Variants in SHROOM2 observed in about 807,000 individuals in gnomAD.
SHROOM2 encodes shroom family member 2.
In SHROOM2, 33 loss-of-function variants were observed where a neutral mutation model predicts 75.9. The ratio of observed to expected loss-of-function variants is 0.43; its 90% CI spans 0.33 to 0.58. The LOEUF is 0.58. Among genes scored for constraint, SHROOM2 ranks in the 20% least tolerant of loss-of-function variants. The pLI is 0.04. For synonymous variants in SHROOM2, 655 were observed against 663.6 expected, an observed-to-expected ratio of 0.99 and a Z score of 0.20; for missense variants, 1,434 against 1,461.2, an observed-to-expected ratio of 0.98 and a Z score of 0.30.
At chrX:9,788,951 C>A (rs1036413537) in intron 1 of SHROOM2, among the ~76,000 whole-genome samples, 2 of 111,115 alleles carry the variant, frequency 1.8e-5, no homozygotes, top group Admixed American at 1.9e-4. Flanking sequence ...GTTAGATTAA[C>A]CATATATCAC....
chrX:9,910,111 G>T (rs928258212), intron 5 of SHROOM2, among the ~76,000 whole-genome samples: 20 of 110,682 alleles, frequency 1.8e-4, no homozygotes, highest in Non-Finnish European at 3.0e-4. Flanking sequence ...GGGGGTGGGG[G>T]GCACAAGTGT....
chrX:9,868,228 AT>A (rs1337859901), intron 1 of SHROOM2, among the ~76,000 whole-genome samples: 9 of 99,773 alleles, frequency 9.0e-5, no homozygotes, highest in Non-Finnish European at 1.6e-4. Context: ...TTTTATTTTT[AT>A]TTTTATTTTT....
intron 5 of SHROOM2, among the ~76,000 whole-genome samples, chrX:9,930,506 CAAAAA>C (rs201521221): frequency 1.4e-5 from 1 of 70,731 alleles, no homozygotes; most frequent in Admixed American, 1.8e-4. Context: ...GACCCTGTCT[CAAAAA>C]AAAAAAAAGA....
At chrX:9,869,557 A>G (rs968645561) in intron 1 of SHROOM2, among the ~76,000 whole-genome samples, 10 of 112,031 alleles carry the variant, frequency 8.9e-5, no homozygotes, top group Non-Finnish European at 1.5e-4. Context: ...ATTCAATCGT[A>G]TAGTGTTTCT....
In SHROOM2 at chrX:9,877,379, G is replaced by T. The variant is rs139053362; in HGVS notation, c.317+3576G>T. On this transcript the variant is annotated intron_variant, in intron 2 of 9. Transcript: ENST00000380913. ...CACGGCCCGAGATGTCAGGGGAGGG[G>T]TGCTGCCCAGGAGTCAGATCTGTCG... 5.2e-4 allele frequency among the ~76,000 whole-genome samples: 58 copies of T among 111,429 alleles called. 1 individual carries two copies. In the East Asian group the frequency reaches 0.014, roughly 27 times the overall value.
At chrX:9,786,992 G>T (rs780497701) in intron 1 of SHROOM2, among the ~76,000 whole-genome samples, 1 of 111,279 alleles carries the variant, frequency 9.0e-6, no homozygotes, top group African/African-American at 3.3e-5. Flanking sequence ...TGGCGCTCCC[G>T]GGCCCGCCAG....
chrX:9,786,904 C>G (rs1395911246), intron 1 of SHROOM2, among the ~76,000 whole-genome samples, 194 bp downstream of exon 1: 4 of 111,782 alleles, frequency 3.6e-5, no homozygotes, highest in Non-Finnish European at 7.6e-5. Flanking sequence ...CCGCGCCTCG[C>G]AGAGTTTAAA....
intron 1 of SHROOM2, among the ~76,000 whole-genome samples, chrX:9,808,655 A>C (rs1018159859): frequency 3.6e-5 from 4 of 110,816 alleles, no homozygotes; most frequent in African/African-American, 1.3e-4. Flanking sequence ...TGAGGTCAGG[A>C]GTTCGAGACC....
At position 9,819,332 on chromosome X, in the gene SHROOM2, A is replaced by G. The variant is rs2083839595; in HGVS notation, c.165+32622A>G. 6.0e-6 allele frequency: 3 copies of G among 502,398 alleles called. No individual in the cohort carries two copies. In the East Asian group the frequency reaches 1.0e-4, roughly 17 times the overall value. 41.4% of individuals were successfully genotyped at this position (502,398 alleles called of 1,213,427 possible). A position where few individuals can be genotyped will look rare whatever the true frequency, so the allele number is the denominator to read the frequency against. On this transcript the variant is annotated intron_variant, in intron 1 of 9. Transcript: ENST00000380913. The stretch of plus-strand genomic sequence containing the variant: ...ACTTGGTGGGATACCTTGGAGGCCA[A>G]TTAAGCGCCTTTGCAGTGTCAGTCA...
At chrX:9,805,302 G>A (rs1445488634) in intron 1 of SHROOM2, among the ~76,000 whole-genome samples, 1 of 112,583 alleles carries the variant, frequency 8.9e-6, no homozygotes, top group Non-Finnish European at 1.9e-5. Context: ...TCTCCACTGT[G>A]CTCCAGGCAC....
intron 2 of SHROOM2, among the ~76,000 whole-genome samples, chrX:9,884,797 A>G (rs944961822): frequency 1.8e-5 from 2 of 111,919 alleles, no homozygotes; most frequent in African/African-American, 6.5e-5. Context: ...AGGGGAACCC[A>G]CCATTAGAAT....
chrX:9,908,086 C>A (rs2084401323), intron 5 of SHROOM2, among the ~76,000 whole-genome samples: 1 of 112,752 alleles, frequency 8.9e-6, no homozygotes, highest in Admixed American at 9.3e-5. Flanking sequence ...GATTATCTTG[C>A]AACATGATAT....
At chrX:9,890,816 G>A (rs1414794129) in intron 2 of SHROOM2, among the ~76,000 whole-genome samples, 161 bp from the exon 3 acceptor site, 2 of 108,165 alleles carry the variant, frequency 1.8e-5, no homozygotes, top group Non-Finnish European at 3.9e-5. Context: ...GCACTGTTTG[G>A]CACAAGCGCA....
At chrX:9,798,053 T>G (rs1159066216) in intron 1 of SHROOM2, among the ~76,000 whole-genome samples, 2 of 111,041 alleles carry the variant, frequency 1.8e-5, no homozygotes, top group African/African-American at 3.3e-5. Flanking sequence ...AGAGGAGAGA[T>G]AAAGTTGAAA....
At position 9,895,533 on chromosome X, in the gene SHROOM2, C is replaced by T. The variant is rs765683350; in HGVS notation, c.1625C>T (p.Ala542Val). 5 of 1,191,190 alleles carry T rather than the reference C, an allele frequency of 4.2e-6. No individual in the cohort carries two copies. The Admixed American group carries it at 1.1e-4, about 27-fold the overall frequency. ...TGRCYPLDKG[A>V]EGCSAGAQEP... ...CGGTGTTACCCGCTGGACAAAGGGG[C>T]CGAGGGCTGCTCCGCGGGAGCCCAG... Residue 542 changes from alanine (A) to valine (V), a missense_variant, in exon 4 of 10, where the codon GCC (alanine) becomes GTC (valine). Physicochemically the swap from Ala to Val is moderately conservative, Grantham distance 64 (BLOSUM62 0). Transcript: ENST00000380913.
intron 1 of SHROOM2, among the ~76,000 whole-genome samples, chrX:9,799,813 C>T (rs1255500479): frequency 9.1e-6 from 1 of 110,383 alleles, no homozygotes; most frequent in Non-Finnish European, 1.9e-5. Context: ...ATATGTGCAG[C>T]CTCAACTTCT....
chrX:9,872,316 G>A (rs1456046400), intron 1 of SHROOM2, among the ~76,000 whole-genome samples: 1 of 113,106 alleles, frequency 8.8e-6, no homozygotes, highest in African/African-American at 3.2e-5. Flanking sequence ...TCTAATCCCA[G>A]CACTCTGGGA....
At chrX:9,795,249 C>T (rs1294640456) in intron 1 of SHROOM2, among the ~76,000 whole-genome samples, 1 of 111,026 alleles carries the variant, frequency 9.0e-6, no homozygotes, top group Non-Finnish European at 1.9e-5. Flanking sequence ...CTCAGCCTCC[C>T]AAGTAGTTGG....
intron 2 of SHROOM2, among the ~76,000 whole-genome samples, chrX:9,887,694 A>C (rs145806148): frequency 0.011 from 1,259 of 112,378 alleles, 19 homozygotes; most frequent in African/African-American, 0.039. Flanking sequence ...TCAAGATTTA[A>C]AAATATGCTC....
Sources: allele counts gnomAD v4.1 joint callset (sites outside exome capture counted in the v4.1 genomes callset), GRCh38; gene constraint gnomAD v4.1.1; transcripts MANE v1.5; gene names NCBI Gene and HGNC (gene_info 2026-07-23, HGNC 2026-07-21).